Variants in GNB1L observed in about 807,000 individuals in gnomAD.
GNB1L encodes the protein G protein subunit beta 1 like, also known as guanine nucleotide-binding protein subunit beta-like protein 1.
In GNB1L, 20 loss-of-function variants were observed where a neutral mutation model predicts 29.1. That is an observed-to-expected ratio of 0.69 (90% CI 0.48 to 1.00). GNB1L has a LOEUF of 1.00. GNB1L is among the 50% of genes least tolerant of loss of function. GNB1L has a pLI of 0.00. For synonymous variants in GNB1L, 193 were observed against 206.5 expected (o/e 0.93, Z 0.56); for missense variants, 421 against 464.9 (o/e 0.91, Z 0.87).
intron 4 of GNB1L, among the ~76,000 whole-genome samples, chr22:19,813,815 T>C (rs1937515291): frequency 6.6e-6 from 1 of 152,050 alleles, no homozygotes; most frequent in African/African-American, 2.4e-5. Context: ...GGCAAAATAG[T>C]GAGACCCCTG....
At chr22:19,795,745 G>A (rs1178719339) in intron 7 of GNB1L, among the ~76,000 whole-genome samples, 1 of 152,230 alleles carries the variant, frequency 6.6e-6, no homozygotes, top group Non-Finnish European at 1.5e-5. Flanking sequence ...ATGGAAGGTG[G>A]CCAGGCTGGG....
At chr22:19,808,217 G>A (rs1385544147) in intron 5 of GNB1L, among the ~76,000 whole-genome samples, 2 of 152,238 alleles carry the variant, frequency 1.3e-5, no homozygotes, top group South Asian at 2.1e-4. Flanking sequence ...CCACACAAAC[G>A]CATGCACACA....
At chr22:19,791,919 G>T (rs2145860136) in intron 7 of GNB1L, among the ~76,000 whole-genome samples, 1 of 152,262 alleles carries the variant, frequency 6.6e-6, no homozygotes, top group Admixed American at 6.5e-5. Context: ...GGAAGTTGAG[G>T]TCCACCCCAC....
chr22:19,823,044 C>A (rs564210865), intron 2 of GNB1L, among the ~76,000 whole-genome samples: 2 of 152,152 alleles, frequency 1.3e-5, no homozygotes, highest in Non-Finnish European at 2.9e-5. Flanking sequence ...TGGGAGGGGC[C>A]GGGCAGTGAC....
chr22:19,788,231 C>T lies in GNB1L; in HGVS notation c.*478G>A, dbSNP rs1400331384. 5 of 325,870 alleles carry T rather than the reference C, an allele frequency of 1.5e-5. No individual in the cohort carries two copies. The East Asian group carries it at 2.3e-4, about 15-fold the overall frequency. The allele number at this position is 325,870 out of a possible 1,614,324, so 20.2% of individuals were successfully genotyped here. A position where few individuals can be genotyped will look rare whatever the true frequency, so the allele number is the denominator to read the frequency against. The stretch of plus-strand genomic sequence containing the variant: ...GGGTGAGGGGTCATGTGGACATCGA[C>T]GCAGCTATGGTTGGGGCCTATCATC... On this transcript the variant is annotated 3_prime_UTR_variant, in exon 8 of 8. Transcript: ENST00000329517.
chr22:19,821,020 C>T (rs769535741), intron 3 of GNB1L, among the ~76,000 whole-genome samples: 6 of 152,164 alleles, frequency 3.9e-5, no homozygotes, highest in Middle Eastern at 3.2e-3. Flanking sequence ...CCTGCTCCTG[C>T]GTCTGTAACA....
intron 2 of GNB1L, chr22:19,846,341 C>A (rs1002484633): frequency 1.5e-5 from 12 of 815,414 alleles, no homozygotes; most frequent in African/African-American, 1.8e-5. Context: ...TGCCTTTGTA[C>A]CCCCCAGGTA....
intron 2 of GNB1L, chr22:19,848,223 G>A: frequency 1.0e-6 from 1 of 985,248 alleles, no homozygotes; most frequent in Non-Finnish European, 1.2e-6. Flanking sequence ...AAATCTCTGG[G>A]TATTTCCAAG....
rs566824805 is a variant in GNB1L, at chr22:19,802,067, C to T, written c.666G>A (p.Arg222=). Residue 222 remains arginine (R), a synonymous_variant, in exon 7 of 8, where the codon AGG becomes AGA. Coordinates refer to ENST00000329517, the MANE Select transcript of GNB1L (RefSeq NM_053004.3). ...MDLDFDSQKA[R]GISGSAGKAL... ...CCTTCCCCGCGGAGCCTGAGATGCC[C>T]CTGGCCTTCTGGGAGTCAAAGTCAA... 2 of 1,613,122 alleles carry T rather than the reference C, an allele frequency of 1.2e-6. No individual in the cohort carries two copies. Among genetic ancestry groups the T allele is most frequent in the Admixed American group, 3.3e-5 (2 of 59,992 alleles).
chr22:19,790,502 T>C (rs1192517983), intron 7 of GNB1L, among the ~76,000 whole-genome samples: 2 of 151,830 alleles, frequency 1.3e-5, no homozygotes, highest in Non-Finnish European at 2.9e-5. Context: ...CTGCATAAAG[T>C]AAAAAAAAGA....
At chr22:19,852,301 G>A (rs968211486) in intron 2 of GNB1L, 3 of 1,565,322 alleles carry the variant, frequency 1.9e-6, no homozygotes, top group Non-Finnish European at 2.6e-6. Flanking sequence ...GCCAGCACTG[G>A]TGGGTGGTGG....
At chr22:19,802,360 A>G in intron 6 of GNB1L, 144 bp from the exon 7 acceptor site, 1 of 659,766 alleles carries the variant, frequency 1.5e-6, no homozygotes, top group South Asian at 1.8e-5. Context: ...ACAGCTCAGA[A>G]GCTCTGCACC....
rs557489908 is a variant in GNB1L, at chr22:19,783,732, C to T, written c.*4977G>A. 6.5e-6 allele frequency: 1 copy of T among 154,102 alleles called. No individual in the cohort carries two copies. The highest frequency in any genetic ancestry group is 2.4e-5 in the African/African-American group (1 of 41,486). 9.5% of individuals were successfully genotyped at this position (154,102 alleles called of 1,614,324 possible). On this transcript the variant is annotated 3_prime_UTR_variant, in exon 8 of 8. Transcript: ENST00000329517. ...CCCGGCCAGTGCTGTGGGACCTCCCCTGTAGGGCTGGCCAGCCTCATGGGC... is the reference window on the plus strand; with the variant it reads ...CCCGGCCAGTGCTGTGGGACCTCCCTTGTAGGGCTGGCCAGCCTCATGGGC...
intron 2 of GNB1L, among the ~76,000 whole-genome samples, chr22:19,840,804 C>T (rs1396495978): frequency 4.0e-5 from 6 of 150,006 alleles, no homozygotes; most frequent in Non-Finnish European, 4.4e-5. Flanking sequence ...AGCGAAACTC[C>T]GTCTCAAAAA....
Position 19,851,368 on chromosome 22 carries a change from T to A in GNB1L, c.-21+3075A>T, listed in dbSNP as rs77448872. On this transcript the variant is annotated intron_variant, in intron 2 of 7. Coordinates refer to ENST00000329517, the MANE Select transcript of GNB1L (RefSeq NM_053004.3). The stretch of plus-strand genomic sequence containing the variant: ...CTGACTCCGACAGTCTAGGGACAGG[T>A]GTGGGGGCTGCCTCCTCTGGCTGGG... 5,794 of 1,614,048 alleles carry A rather than the reference T, an allele frequency of 3.6e-3. 169 individuals carry two copies. The African/African-American group carries it at 0.069, about 19-fold the overall frequency.
chr22:19,849,665 C>T, intron 2 of GNB1L: 1 of 984,844 alleles, frequency 1.0e-6, no homozygotes, highest in Non-Finnish European at 1.2e-6. Flanking sequence ...CTGCTCCCGG[C>T]CAGTTTCTGA....
intron 2 of GNB1L, among the ~76,000 whole-genome samples, chr22:19,822,529 C>T (rs769322411): frequency 6.6e-6 from 1 of 152,184 alleles, no homozygotes; most frequent in Non-Finnish European, 1.5e-5. Flanking sequence ...AGACCCTGAG[C>T]TGGGCTAAGG....
At position 19,788,692 on chromosome 22, in the gene GNB1L, G is replaced by A; in HGVS notation, c.*17C>T. 3 of 1,611,850 alleles carry A rather than the reference G, an allele frequency of 1.9e-6. No homozygotes were observed. Among genetic ancestry groups the A allele is most frequent in the Non-Finnish European group, 2.5e-6 (3 of 1,179,226 alleles). On this transcript the variant is annotated 3_prime_UTR_variant, in exon 8 of 8. Coordinates refer to ENST00000329517, the MANE Select transcript of GNB1L (RefSeq NM_053004.3). ...CCCTGCCCGCCCTCCTCGTCTCCCG[G>A]GAAGGGAGTGGGTGAGTCATGCGCG... is the stretch of plus-strand genomic sequence containing the variant.
Position 19,821,212 on chromosome 22 carries a change from G to A in GNB1L, c.128+16C>T. Reference sequence around the variant, plus strand: ...TTGGCCCTGGGTGGCCTGGGGCTGGGGCCACAGCTACTCACCCTGAGAAGA... The same window carrying A: ...TTGGCCCTGGGTGGCCTGGGGCTGGAGCCACAGCTACTCACCCTGAGAAGA... On this transcript the variant is annotated intron_variant, in intron 3 of 7. Coordinates refer to ENST00000329517, the MANE Select transcript of GNB1L (RefSeq NM_053004.3). The A allele has an allele frequency of 6.2e-7, 1 of 1,602,694 alleles. No homozygotes were observed. Among genetic ancestry groups the A allele is most frequent in the Non-Finnish European group, 8.5e-7 (1 of 1,173,288 alleles).
Sources: allele counts gnomAD v4.1 joint callset (sites outside exome capture counted in the v4.1 genomes callset), GRCh38; gene constraint gnomAD v4.1.1; transcripts MANE v1.5; gene names NCBI Gene and HGNC (gene_info 2026-07-23, HGNC 2026-07-21).